ATXN7L1: variants seen among roughly 807,000 people sequenced by gnomAD.
ATXN7L1 encodes ataxin 7 like 1.
ATXN7L1 carries 15 observed loss-of-function variants against 70.8 expected under a neutral mutation model. The ratio of observed to expected loss-of-function variants is 0.21; its 90% confidence interval spans 0.14 to 0.33. ATXN7L1 has a LOEUF of 0.33. Ranked by LOEUF, ATXN7L1 falls within the 10% of genes least tolerant of loss-of-function variation. The pLI, the probability that ATXN7L1 is intolerant of heterozygous loss-of-function variation, is 1.00. For synonymous variants in ATXN7L1, 440 were observed against 445.1 expected (o/e 0.99, Z 0.14); for missense variants, 975 against 1,097.1 (o/e 0.89, Z 1.57).
At chr7:105,794,939 C>A (rs1805771540) in intron 2 of ATXN7L1, among the ~76,000 whole-genome samples, 1 of 152,254 alleles carries the variant, frequency 6.6e-6, no homozygotes, top group Non-Finnish European at 1.5e-5. Context: ...AAGCAGCCCT[C>A]CACTTCCCTT....
intron 3 of ATXN7L1, among the ~76,000 whole-genome samples, chr7:105,766,189 A>G (rs2116425808): frequency 6.7e-6 from 1 of 150,046 alleles, no homozygotes; most frequent in Admixed American, 6.7e-5. Context: ...TCTTCTGCCT[A>G]TTGCATCCTT....
In ATXN7L1 at chr7:105,644,141, C is replaced by T. The variant is rs563963877; in HGVS notation, c.579-1020G>A. Among the ~76,000 whole-genome samples the T allele has an allele frequency of 5.3e-5, 8 of 152,160 alleles. No homozygotes were observed. The East Asian group carries it at 1.5e-3, about 29-fold the overall frequency. ...AATATGGCTTTTACATTCCTGCAGA[C>T]AATGTAGGGCAGGAAAGAGGGGCTG... On this transcript the variant is annotated intron_variant, in intron 4 of 11. Transcript: ENST00000419735.
chr7:105,844,695 G>A (rs1198550878), intron 2 of ATXN7L1, among the ~76,000 whole-genome samples: 1 of 152,114 alleles, frequency 6.6e-6, no homozygotes, highest in Admixed American at 6.5e-5. Flanking sequence ...CTCACCATCA[G>A]TACTCAATAT....
rs1793474148 is a variant in ATXN7L1, at chr7:105,614,083, C to T, written c.2251G>A (p.Ala751Thr). The change falls in exon 10 of 12, where the codon GCG becomes ACG. Residue 751 changes from alanine (A) to threonine (T), a missense_variant. By Grantham distance (58) the Ala-to-Thr change is moderately conservative (BLOSUM62 0). Coordinates refer to ENST00000419735, the MANE Select transcript of ATXN7L1 (RefSeq NM_020725.2). The surrounding 1 kb of genome is among the most constrained non-coding windows in gnomAD (Gnocchi z 4.3). ...DSCPLSVPSLALHAGDLSLAS... is the reference protein window; with the variant it reads ...DSCPLSVPSLTLHAGDLSLAS... ...AGAGAGAGGTCCCCTGCGTGGAGCGCAAGGGAGGGCACAGAGAGGGGACAG... is the reference window on the plus strand; with the variant it reads ...AGAGAGAGGTCCCCTGCGTGGAGCGTAAGGGAGGGCACAGAGAGGGGACAG... The T allele has an allele frequency of 1.3e-6, 2 of 1,551,720 alleles. No homozygotes were observed. Among genetic ancestry groups the T allele is most frequent in the East Asian group, 2.4e-5 (1 of 40,914 alleles).
chr7:105,740,241 C>T (rs1208924407), intron 3 of ATXN7L1, among the ~76,000 whole-genome samples: 1 of 152,142 alleles, frequency 6.6e-6, no homozygotes, highest in Admixed American at 6.5e-5. Context: ...CCTGTCCAAC[C>T]CATAAGGAAC....
At position 105,705,470 on chromosome 7, in the gene ATXN7L1, G is replaced by A. The variant is rs147156957; in HGVS notation, c.356-40182C>T. On this transcript the variant is annotated intron_variant, in intron 3 of 11. Coordinates refer to ENST00000419735, the MANE Select transcript of ATXN7L1 (RefSeq NM_020725.2). ...GTTGGAATATATAAGCCTGCCTTCCGGTTCTTTTACTTTTAATTATTTTGA... is the reference window on the plus strand; with the variant it reads ...GTTGGAATATATAAGCCTGCCTTCCAGTTCTTTTACTTTTAATTATTTTGA... 2.6e-3 allele frequency among the ~76,000 whole-genome samples: 400 copies of A among 152,178 alleles called. 3 individuals carry two copies. The highest frequency in any genetic ancestry group is 8.8e-3 in the African/African-American group (366 of 41,524).
At chr7:105,647,830 C>T (rs1162531542) in intron 4 of ATXN7L1, among the ~76,000 whole-genome samples, 2 of 152,244 alleles carry the variant, frequency 1.3e-5, no homozygotes, top group African/African-American at 4.8e-5. Context: ...GGTGACACTT[C>T]TTCCCAACTG....
chr7:105,848,271 A>G (rs1436681438), intron 2 of ATXN7L1, among the ~76,000 whole-genome samples: 1 of 152,212 alleles, frequency 6.6e-6, no homozygotes, highest in Admixed American at 6.5e-5. Flanking sequence ...AGCCACTCTC[A>G]TACACTCCTG....
At chr7:105,824,386 C>T (rs1810573610) in intron 2 of ATXN7L1, among the ~76,000 whole-genome samples, 1 of 151,948 alleles carries the variant, frequency 6.6e-6, no homozygotes, top group South Asian at 2.1e-4. Flanking sequence ...ACACAATAAC[C>T]AGGAATAGAG....
intron 2 of ATXN7L1, among the ~76,000 whole-genome samples, chr7:105,804,925 G>A (rs946286998): frequency 5.9e-5 from 9 of 152,184 alleles, no homozygotes; most frequent in African/African-American, 2.2e-4. Context: ...ACGGCAGCTG[G>A]GAGAAAGGGA....
At chr7:105,780,049 C>T (rs546080734) in intron 3 of ATXN7L1, among the ~76,000 whole-genome samples, 1 of 152,206 alleles carries the variant, frequency 6.6e-6, no homozygotes, top group Non-Finnish European at 1.5e-5. Context: ...GGTGATAATG[C>T]CCCTGACACT....
At chr7:105,652,632 G>T (rs1486934239) in intron 4 of ATXN7L1, among the ~76,000 whole-genome samples, 1 of 152,204 alleles carries the variant, frequency 6.6e-6, no homozygotes, top group Non-Finnish European at 1.5e-5. Context: ...CAACAGTCCT[G>T]GAGGAAACCC....
chr7:105,686,132 T>A (rs1806158615), intron 3 of ATXN7L1, among the ~76,000 whole-genome samples: 2 of 147,506 alleles, frequency 1.4e-5, no homozygotes, highest in African/African-American at 2.5e-5. Context: ...AAGGGCAGAT[T>A]AAAAAAAAAA....
intron 3 of ATXN7L1, among the ~76,000 whole-genome samples, chr7:105,681,116 G>C (rs573236154): frequency 6.6e-6 from 1 of 152,320 alleles, no homozygotes; most frequent in African/African-American, 2.4e-5. Flanking sequence ...AAAACAGGCA[G>C]GTTCAATCTA....
intron 2 of ATXN7L1, among the ~76,000 whole-genome samples, chr7:105,851,725 G>T (rs1814910246): frequency 6.6e-6 from 1 of 151,918 alleles, no homozygotes. Flanking sequence ...TGTTGTTGTT[G>T]TTGTTGAAAG....
chr7:105,692,200 A>G (rs1790976659), intron 3 of ATXN7L1, among the ~76,000 whole-genome samples: 1 of 152,172 alleles, frequency 6.6e-6, no homozygotes, highest in Non-Finnish European at 1.5e-5. Context: ...CACTGCGGTT[A>G]TTAGCAGAAG....
intron 2 of ATXN7L1, among the ~76,000 whole-genome samples, chr7:105,865,858 C>T (rs773951374): frequency 2.0e-5 from 3 of 152,166 alleles, no homozygotes; most frequent in Non-Finnish European, 4.4e-5. Flanking sequence ...TCCCCTCCCC[C>T]AGCCCCTGAA....
chr7:105,627,590 G>A (rs1283710424), intron 7 of ATXN7L1, among the ~76,000 whole-genome samples: 1 of 150,602 alleles, frequency 6.6e-6, no homozygotes, highest in Non-Finnish European at 1.5e-5. Flanking sequence ...GGAGTGCAGT[G>A]GTGCGACCTC....
In ATXN7L1 at chr7:105,766,260, C is replaced by T. The variant is rs780509408; in HGVS notation, c.355+22344G>A. Among the ~76,000 whole-genome samples, 5 of 151,584 alleles carry T rather than the reference C, an allele frequency of 3.3e-5. No homozygotes were observed. In the East Asian group the frequency reaches 7.7e-4, roughly 23 times the overall value. On this transcript the variant is annotated intron_variant, in intron 3 of 11. Transcript: ENST00000419735. ...ACAAATTCAAAGTCCACGTGGGCTG[C>T]GTAAAAAACTCTGAATGTATCTCTC...
Sources: allele counts gnomAD v4.1 joint callset (sites outside exome capture counted in the v4.1 genomes callset), GRCh38; gene constraint gnomAD v4.1.1; non-coding constraint Gnocchi (gnomAD v3.1); transcripts MANE v1.5; gene names NCBI Gene and HGNC (gene_info 2026-07-23, HGNC 2026-07-21).